Variants in PRKN observed in about 807,000 individuals in gnomAD.
PRKN encodes E3 ubiquitin-protein ligase parkin.
PRKN carries 56 observed loss-of-function variants against 59.5 expected under a neutral mutation model. The ratio of observed to expected loss-of-function variants is 0.94; its 90% confidence interval spans 0.76 to 1.18. PRKN has a LOEUF of 1.18. Among genes scored for constraint, PRKN ranks in the 50% most tolerant of loss-of-function variants. PRKN has a pLI of 0.00. For missense variants in PRKN, 657 were observed against 596.4 expected (o/e 1.10, Z -1.06); for synonymous variants, 250 against 222.1 (o/e 1.13, Z -1.12).
intron 2 of PRKN, among the ~76,000 whole-genome samples, chr6:162,352,042 C>A (rs948688559): frequency 6.6e-6 from 1 of 152,118 alleles, no homozygotes; most frequent in African/African-American, 2.4e-5. Context: ...ACATACCCTA[C>A]CGGGTCAGAT....
chr6:161,895,752 C>G (rs946906650), intron 6 of PRKN, among the ~76,000 whole-genome samples: 3 of 150,808 alleles, frequency 2.0e-5, no homozygotes, highest in Non-Finnish European at 4.4e-5. Context: ...CTTTTTCACC[C>G]GTAGTTAGCT....
chr6:161,765,207 C>T (rs1039213083), intron 7 of PRKN, among the ~76,000 whole-genome samples: 5 of 152,136 alleles, frequency 3.3e-5, no homozygotes, highest in Non-Finnish European at 7.3e-5. Flanking sequence ...TACTTGGGGA[C>T]GTGGATCATG....
In PRKN at chr6:162,333,105, C is replaced by T. The variant is rs182457427; in HGVS notation, c.172-70340G>A. Among the ~76,000 whole-genome samples the T allele has an allele frequency of 2.8e-3, 428 of 152,048 alleles. 1 individual carries two copies. The highest frequency in any genetic ancestry group is 4.9e-3 in the Non-Finnish European group (336 of 68,000). ...TTTTGCCCTGTTACTATACTTTTTCCTATTTTGAATTTTAACTAGAGAAAG... is the reference window on the plus strand; with the variant it reads ...TTTTGCCCTGTTACTATACTTTTTCTTATTTTGAATTTTAACTAGAGAAAG... On this transcript the variant is annotated intron_variant, in intron 2 of 11. Coordinates refer to ENST00000366898, the MANE Select transcript of PRKN (RefSeq NM_004562.3).
At chr6:161,508,847 C>CT (rs756937175) in intron 9 of PRKN, among the ~76,000 whole-genome samples, 1,859 of 144,840 alleles carry the variant, frequency 0.013, 39 homozygotes, top group African/African-American at 0.041. Flanking sequence ...GTTATAATTC[C>CT]TTTTTTTTTT....
intron 7 of PRKN, among the ~76,000 whole-genome samples, chr6:161,609,981 TAAG>T (rs1257354308): frequency 6.6e-6 from 1 of 152,230 alleles, no homozygotes; most frequent in African/African-American, 2.4e-5. Context: ...GATATATTTT[TAAG>T]GTCATCATTT....
At chr6:162,669,376 A>C (rs550925436) in intron 1 of PRKN, among the ~76,000 whole-genome samples, 22 of 152,220 alleles carry the variant, frequency 1.4e-4, no homozygotes, top group Non-Finnish European at 2.5e-4. Context: ...CCCATTAAAA[A>C]CCACTATGTT....
chr6:161,806,266 C>G (rs1791315952), intron 6 of PRKN, among the ~76,000 whole-genome samples: 1 of 152,186 alleles, frequency 6.6e-6, no homozygotes, highest in Non-Finnish European at 1.5e-5. Context: ...GAGGGTCCCA[C>G]AGAGGCCACC....
chr6:162,185,626 T>A (rs61077870), intron 4 of PRKN, among the ~76,000 whole-genome samples: 2,043 of 152,232 alleles, frequency 0.013, 45 homozygotes, highest in African/African-American at 0.046. Flanking sequence ...AGCTCTGTGG[T>A]ACGAAGGGTC....
rs1413914616 is a variant in PRKN at position 162,056,012 on chromosome 6, TGCAC to T, written c.535-1842_535-1839del. ...ACTCAGGCATGCACGCACACAGGCA[TGCAC>T]GCACACAGCATGCCACACACCACAC... On this transcript the variant is annotated intron_variant, in intron 4 of 11. Coordinates refer to ENST00000366898, the MANE Select transcript of PRKN (RefSeq NM_004562.3). The surrounding 1 kb of genome is among the most constrained non-coding windows in gnomAD (Gnocchi z 4.9). Among the ~76,000 whole-genome samples, 4 of 108,204 alleles carry T rather than the reference TGCAC, an allele frequency of 3.7e-5. No individual in the cohort carries two copies. Among genetic ancestry groups the T allele is most frequent in the Admixed American group, 1.1e-4 (1 of 9,326 alleles). 71.0% of individuals were successfully genotyped at this position (108,204 alleles called of 152,430 possible).
intron 1 of PRKN, among the ~76,000 whole-genome samples, chr6:162,669,480 A>C (rs1037679075): frequency 2.0e-5 from 3 of 152,156 alleles, no homozygotes; most frequent in Non-Finnish European, 4.4e-5. Context: ...GAATACGTTT[A>C]CATATATATT....
In PRKN at chr6:161,567,033, T is replaced by G. The variant is rs977084907; in HGVS notation, c.933+2322A>C. On this transcript the variant is annotated intron_variant, in intron 8 of 11. Coordinates refer to ENST00000366898, the MANE Select transcript of PRKN (RefSeq NM_004562.3). ...TATTCACTGTCCTTGTTTTTTTTTT[T>G]TTTTTGTGTGTGTGTGTGTGTGTGT... is the stretch of plus-strand genomic sequence containing the variant. Among the ~76,000 whole-genome samples the G allele has an allele frequency of 3.0e-3, 341 of 112,140 alleles. 1 individual carries two copies. Among genetic ancestry groups the G allele is most frequent in the African/African-American group, 0.011 (327 of 30,144 alleles). The allele number at this position is 112,140 out of a possible 152,430, so 73.6% of individuals were successfully genotyped here. A position where few individuals can be genotyped will look rare whatever the true frequency, so the allele number is the denominator to read the frequency against.
chr6:161,504,099 A>T (rs1220573113), intron 9 of PRKN, among the ~76,000 whole-genome samples: 1 of 152,240 alleles, frequency 6.6e-6, no homozygotes, highest in African/African-American at 2.4e-5. Flanking sequence ...GAGACAGAAG[A>T]TGTGACTTCT....
At chr6:162,598,890 A>T (rs1023790678) in intron 1 of PRKN, among the ~76,000 whole-genome samples, 1 of 151,862 alleles carries the variant, frequency 6.6e-6, no homozygotes, top group African/African-American at 2.4e-5. Context: ...GAATAATTAA[A>T]TGATTAAATA....
chr6:162,183,960 C>G (rs1258510434), intron 4 of PRKN, among the ~76,000 whole-genome samples: 1 of 152,178 alleles, frequency 6.6e-6, no homozygotes, highest in African/African-American at 2.4e-5. Flanking sequence ...TTTCTGTTGA[C>G]AGGAATGCTC....
At chr6:161,774,332 T>C (rs565905277) in intron 7 of PRKN, among the ~76,000 whole-genome samples, 1 of 150,238 alleles carries the variant, frequency 6.7e-6, no homozygotes, top group Non-Finnish European at 1.5e-5. Flanking sequence ...CTTTTTCTCC[T>C]TGGCACAGGG....
At chr6:161,567,022 G>GTTTTTTTTTTTT (rs71917520) in intron 8 of PRKN, among the ~76,000 whole-genome samples, 1 of 87,108 alleles carries the variant, frequency 1.1e-5, no homozygotes, top group Non-Finnish European at 2.2e-5. Context: ...CACTGTCCTT[G>GTTTTTTTTTTTT]TTTTTTTTTT....
chr6:162,537,040 G>A (rs538462530), intron 1 of PRKN, among the ~76,000 whole-genome samples: 8 of 152,098 alleles, frequency 5.3e-5, no homozygotes, highest in South Asian at 2.1e-4. Flanking sequence ...AATTTACTTC[G>A]AAAAGATTCT....
intron 6 of PRKN, among the ~76,000 whole-genome samples, chr6:161,829,371 C>T (rs1294060517): frequency 6.6e-6 from 1 of 152,236 alleles, no homozygotes; most frequent in Non-Finnish European, 1.5e-5. Flanking sequence ...GTAGACTGCA[C>T]TGGTGGCATT....
chr6:161,908,072 C>T (rs1778214015), intron 6 of PRKN, among the ~76,000 whole-genome samples: 1 of 151,224 alleles, frequency 6.6e-6, no homozygotes, highest in Non-Finnish European at 1.5e-5. Context: ...AGCAAGACTC[C>T]ATCTCAAACT....
Sources: gnomAD v4.1 joint callset for allele counts (sites outside exome capture counted in the v4.1 genomes callset) on GRCh38, gnomAD v4.1.1 for gene constraint, Gnocchi (gnomAD v3.1) non-coding constraint, MANE v1.5 for transcripts, NCBI Gene and HGNC (gene_info 2026-07-23, HGNC 2026-07-21) for gene names.